Variants in NELL1 observed in about 807,000 individuals in gnomAD.
The protein encoded by NELL1 is protein kinase C-binding protein NELL1.
Under a neutral mutation model 107.4 loss-of-function variants are expected in NELL1, and 76 were observed. The ratio of observed to expected loss-of-function variants is 0.71; its 90% CI spans 0.59 to 0.86. The LOEUF (loss-of-function observed/expected upper bound fraction) is 0.86, where lower values mean the gene tolerates loss of function less well. Among genes scored for constraint, NELL1 ranks in the 40% least tolerant of loss-of-function variants. The pLI is 0.00. For missense variants in NELL1, 1,024 were observed against 1,005.5 expected (o/e 1.02, Z -0.25); for synonymous variants, 353 against 341.2 (o/e 1.03, Z -0.38).
chr11:20,924,710 T>C (rs912508519), intron 7 of NELL1, among the ~76,000 whole-genome samples: 1 of 152,186 alleles, frequency 6.6e-6, no homozygotes, highest in Admixed American at 6.5e-5. Context: ...CTCACAAAGG[T>C]ACACAATTCT....
chr11:20,929,517 T>C (rs1294842445), intron 9 of NELL1, among the ~76,000 whole-genome samples: 3 of 152,092 alleles, frequency 2.0e-5, no homozygotes, highest in Non-Finnish European at 2.9e-5. Context: ...AGAAGAACTT[T>C]CTTATTTCTG....
chr11:20,881,849 T>A (rs532543318), intron 4 of NELL1, among the ~76,000 whole-genome samples: 1 of 152,342 alleles, frequency 6.6e-6, no homozygotes, highest in Admixed American at 6.5e-5. Flanking sequence ...TGCCTGTATG[T>A]ATCCCCATAG....
At chr11:21,477,189 G>C (rs973034190) in intron 15 of NELL1, among the ~76,000 whole-genome samples, 1 of 152,052 alleles carries the variant, frequency 6.6e-6, no homozygotes, top group African/African-American at 2.4e-5. Flanking sequence ...AGCTCCAGGA[G>C]AGACTCTTTG....
At chr11:20,693,306 T>C (rs1363611484) in intron 2 of NELL1, among the ~76,000 whole-genome samples, 1 of 152,144 alleles carries the variant, frequency 6.6e-6, no homozygotes, top group African/African-American at 2.4e-5. Context: ...AATATTGTCG[T>C]ATGTGAATTT....
At chr11:21,374,874 T>C (rs1420095117) in intron 15 of NELL1, among the ~76,000 whole-genome samples, 1 of 126,584 alleles carries the variant, frequency 7.9e-6, no homozygotes, top group African/African-American at 3.0e-5. Context: ...TGTGTGGAAC[T>C]GACTGTGTGT....
chr11:21,493,671 C>T (rs1278498178), intron 15 of NELL1, among the ~76,000 whole-genome samples: 1 of 151,864 alleles, frequency 6.6e-6, no homozygotes, highest in Non-Finnish European at 1.5e-5. Context: ...AAGAAATATG[C>T]CCCAATATTT....
chr11:20,955,523 T>G (rs1437096557), intron 11 of NELL1, among the ~76,000 whole-genome samples: 2 of 152,212 alleles, frequency 1.3e-5, no homozygotes, highest in East Asian at 3.9e-4. Flanking sequence ...ATCTTGAAGT[T>G]GAGGATAACA....
intron 15 of NELL1, among the ~76,000 whole-genome samples, chr11:21,439,699 C>T (rs536889874): frequency 3.9e-5 from 6 of 152,218 alleles, no homozygotes; most frequent in South Asian, 2.1e-4. Context: ...CCCAGCTTCA[C>T]GCCATGTTTC....
At chr11:20,961,134 C>T (rs1851281649) in intron 12 of NELL1, among the ~76,000 whole-genome samples, 1 of 152,082 alleles carries the variant, frequency 6.6e-6, no homozygotes, top group Non-Finnish European at 1.5e-5. Flanking sequence ...GGGATGGTGG[C>T]CTCAAGCATC....
chr11:20,826,995 A>G (rs1377276241), intron 3 of NELL1, among the ~76,000 whole-genome samples: 1 of 151,330 alleles, frequency 6.6e-6, no homozygotes, highest in Non-Finnish European at 1.5e-5. Flanking sequence ...TCTATTGCTC[A>G]CTGGCAGTTA....
Position 20,862,605 on chromosome 11 carries a change from CTTTTTTTTTT to C in NELL1, c.506+14866_506+14875del, listed in dbSNP as rs386373288. Among the ~76,000 whole-genome samples, 315 of 94,686 alleles carry C rather than the reference CTTTTTTTTTT, an allele frequency of 3.3e-3. 2 individuals are homozygous for C. The highest frequency in any genetic ancestry group is 0.011 in the African/African-American group (287 of 25,120). 62.1% of individuals were successfully genotyped at this position (94,686 alleles called of 152,430 possible). ...GCCCTAAAAATCTTTTGAGCTGCTG[CTTTTTTTTTT>C]TTTTTTTTTTTTTATTGATCATTCT... On this transcript the variant is annotated intron_variant, in intron 4 of 19. Coordinates refer to ENST00000357134, the MANE Select transcript of NELL1 (RefSeq NM_006157.5).
In NELL1 at chr11:21,374,412, G is replaced by T. The variant is rs554554016; in HGVS notation, c.1645+3464G>T. ...TTTCATTTTGTGGGCCTCTCCACAG[G>T]CTACGTGAGAGGCCTTATAACATGG... On this transcript the variant is annotated intron_variant, in intron 15 of 19. Coordinates refer to ENST00000357134, the MANE Select transcript of NELL1 (RefSeq NM_006157.5). Among the ~76,000 whole-genome samples, 5 of 152,090 alleles carry T rather than the reference G, an allele frequency of 3.3e-5. No individual in the cohort carries two copies. In the East Asian group the frequency reaches 7.8e-4, roughly 24 times the overall value.
intron 7 of NELL1, among the ~76,000 whole-genome samples, chr11:20,925,454 T>A (rs2134169235): frequency 6.6e-6 from 1 of 150,786 alleles, no homozygotes; most frequent in South Asian, 2.1e-4. Context: ...TTTTTTTTTT[T>A]TTTGTATTTG....
chr11:21,519,543 TTG>T (rs1855665055), intron 15 of NELL1, among the ~76,000 whole-genome samples: 6 of 61,376 alleles, frequency 9.8e-5, no homozygotes, highest in East Asian at 4.7e-4. Flanking sequence ...GTTTTGTTTT[TTG>T]TTTTTTTTTT....
At chr11:20,672,410 A>G (rs1202680020) in intron 1 of NELL1, among the ~76,000 whole-genome samples, 1 of 152,246 alleles carries the variant, frequency 6.6e-6, no homozygotes, top group Non-Finnish European at 1.5e-5. Context: ...AGTAGATGAT[A>G]TCAGGCACAT....
rs567892410 is a variant in NELL1, at chr11:21,220,209, A to G, written c.1427-9123A>G. On this transcript the variant is annotated intron_variant, in intron 13 of 19. Transcript: ENST00000357134. ...ATTATTGGGTTCTCTATTATGTTCA[A>G]TCGGCCTGGGTATCTGTTTTTATGC... Among the ~76,000 whole-genome samples the G allele has an allele frequency of 9.9e-5, 15 of 152,266 alleles. 1 individual carries two copies. In the East Asian group the frequency reaches 2.5e-3, roughly 25 times the overall value.
intron 14 of NELL1, among the ~76,000 whole-genome samples, chr11:21,290,552 A>G (rs1323289564): frequency 1.3e-5 from 2 of 152,098 alleles, no homozygotes; most frequent in African/African-American, 4.8e-5. Context: ...AGACTGGGAG[A>G]CACATCCCAG....
At position 21,172,242 on chromosome 11, in the gene NELL1, A is replaced by G. The variant is rs76884675; in HGVS notation, c.1427-57090A>G. Among the ~76,000 whole-genome samples, 473 of 151,970 alleles carry G rather than the reference A, an allele frequency of 3.1e-3. 15 individuals carry two copies. Among genetic ancestry groups the G allele is most frequent in the African/African-American group, 0.011 (434 of 41,264 alleles). The stretch of plus-strand genomic sequence containing the variant: ...TCTCCTTCTTTAGATTCTAACTACT[A>G]GTAATTCTGCAGGACAAAACCACAT... On this transcript the variant is annotated intron_variant, in intron 13 of 19. Coordinates refer to ENST00000357134, the MANE Select transcript of NELL1 (RefSeq NM_006157.5).
chr11:21,496,866 A>C (rs921424060), intron 15 of NELL1, among the ~76,000 whole-genome samples: 4 of 152,090 alleles, frequency 2.6e-5, no homozygotes, highest in African/African-American at 9.7e-5. Context: ...ATGAGTGAGG[A>C]CATGCAGTGT....
Sources: gnomAD v4.1 joint callset for allele counts (sites outside exome capture counted in the v4.1 genomes callset) on GRCh38, gnomAD v4.1.1 for gene constraint, MANE v1.5 for transcripts, NCBI Gene and HGNC (gene_info 2026-07-23, HGNC 2026-07-21) for gene names.